Variants in RAB3IP observed in about 807,000 individuals in gnomAD.
RAB3IP encodes the protein rab-3A-interacting protein.
RAB3IP carries 36 observed loss-of-function variants against 59.1 expected under a neutral mutation model. The ratio of observed to expected loss-of-function variants is 0.61; its 90% confidence interval spans 0.47 to 0.80. The LOEUF (loss-of-function observed/expected upper bound fraction) is 0.80, where lower values mean the gene tolerates loss of function less well. RAB3IP is among the 30% of genes least tolerant of loss of function. The pLI is 0.00. For missense variants in RAB3IP, 511 were observed against 536.0 expected (o/e 0.95, Z 0.46); for synonymous variants, 207 against 191.2 (o/e 1.08, Z -0.68).
intron 4 of RAB3IP, among the ~76,000 whole-genome samples, chr12:69,786,121 CT>C (rs1162816123): frequency 6.6e-6 from 1 of 152,078 alleles, no homozygotes; most frequent in Non-Finnish European, 1.5e-5. Flanking sequence ...TATTCATAAT[CT>C]ATTTCACAGT....
At chr12:69,784,688 A>G (rs1213964513) in intron 3 of RAB3IP, 32 bp from the exon 4 acceptor site, 1 of 1,302,000 alleles carries the variant, frequency 7.7e-7, no homozygotes, top group South Asian at 1.2e-5. Flanking sequence ...CAAACTATGG[A>G]GATCCAAAAT....
At chr12:69,797,143 G>T (rs933163108) in intron 6 of RAB3IP, among the ~76,000 whole-genome samples, 2 of 152,202 alleles carry the variant, frequency 1.3e-5, no homozygotes, top group Non-Finnish European at 2.9e-5. Context: ...GGGGCACTCA[G>T]TTATGACATT....
intron 6 of RAB3IP, among the ~76,000 whole-genome samples, chr12:69,797,414 C>G (rs1468990430): frequency 1.4e-5 from 2 of 146,748 alleles, no homozygotes; most frequent in African/African-American, 5.0e-5. Context: ...AGCCTTTAAA[C>G]TAGAATCTTT....
At chr12:69,803,825 A>G (rs1878784854) in intron 8 of RAB3IP, among the ~76,000 whole-genome samples, 1 of 152,168 alleles carries the variant, frequency 6.6e-6, no homozygotes, top group African/African-American at 2.4e-5. Flanking sequence ...AAAGGACATG[A>G]ACTCATCATT....
intron 6 of RAB3IP, chr12:69,795,724 A>G (rs1177400958): frequency 3.4e-6 from 1 of 297,238 alleles, no homozygotes; most frequent in Non-Finnish European, 6.1e-6. Context: ...CTTAAAGATC[A>G]ATACATTGCT....
chr12:69,786,635 T>G (rs1565904846), intron 4 of RAB3IP, among the ~76,000 whole-genome samples: 2 of 152,288 alleles, frequency 1.3e-5, no homozygotes, highest in East Asian at 3.9e-4. Context: ...TTTATGTTAA[T>G]TTTGATTTCC....
chr12:69,772,631 C>G (rs76614078), intron 3 of RAB3IP, among the ~76,000 whole-genome samples: 2 of 152,148 alleles, frequency 1.3e-5, no homozygotes, highest in East Asian at 3.8e-4. Flanking sequence ...TTATTTTAAA[C>G]TGCTAACAAC....
At chr12:69,794,042 T>C (rs1877058549) in intron 4 of RAB3IP, among the ~76,000 whole-genome samples, 1 of 152,192 alleles carries the variant, frequency 6.6e-6, no homozygotes, top group South Asian at 2.1e-4. Context: ...GGTGTGTTAA[T>C]GTTTTTACTT....
intron 8 of RAB3IP, among the ~76,000 whole-genome samples, chr12:69,809,871 A>G (rs1358537537): frequency 1.3e-5 from 2 of 151,964 alleles, no homozygotes; most frequent in Middle Eastern, 3.2e-3. Context: ...AGAGAGTTTG[A>G]TCTTCTGAAG....
intron 4 of RAB3IP, 173 bp downstream of exon 4, chr12:69,784,988 G>A: frequency 8.2e-6 from 3 of 367,784 alleles, no homozygotes; most frequent in Non-Finnish European, 1.5e-5. Flanking sequence ...AAGATGATGT[G>A]AAAAGAAATA....
chr12:69,769,068 C>T (rs1182246144), intron 3 of RAB3IP, among the ~76,000 whole-genome samples: 3 of 151,982 alleles, frequency 2.0e-5, no homozygotes, highest in Non-Finnish European at 2.9e-5. Flanking sequence ...GGGTAGTTTC[C>T]CTGCTCAATC....
At chr12:69,787,845 G>T (rs1367364910) in intron 4 of RAB3IP, among the ~76,000 whole-genome samples, 1 of 152,028 alleles carries the variant, frequency 6.6e-6, no homozygotes, top group African/African-American at 2.4e-5. Flanking sequence ...GGCACATATA[G>T]GTAGTGTTCT....
Position 69,815,575 on chromosome 12 carries a change from A to G in RAB3IP, c.*129A>G, listed in dbSNP as rs1881050415. The G allele has an allele frequency of 1.6e-6, 1 of 627,112 alleles. No homozygotes were observed. Among genetic ancestry groups the G allele is most frequent in the South Asian group, 2.1e-5 (1 of 47,632 alleles). 38.8% of individuals were successfully genotyped at this position (627,112 alleles called of 1,614,324 possible). On this transcript the variant is annotated 3_prime_UTR_variant, in exon 11 of 11. Coordinates refer to ENST00000247833, the MANE Select transcript of RAB3IP (RefSeq NM_022456.5). ...TTTTCCCCTTTTGCAAATTGCTCTA[A>G]GAAGTACCATGATTTCTTTTAAACT...
chr12:69,758,756 C>CTTTTTTTTTTTTTTTTTTTTTT (rs71437121), intron 3 of RAB3IP, among the ~76,000 whole-genome samples: 1 of 48,202 alleles, frequency 2.1e-5, no homozygotes, highest in Non-Finnish European at 3.7e-5. Flanking sequence ...GTGTTCATTC[C>CTTTTTTTTTTTTTTTTTTTTTT]TTTTTTTTTT....
chr12:69,756,449 C>T lies in RAB3IP; in HGVS notation c.296C>T (p.Thr99Ile). ...GCCCCTTGCTCTACCTCTGGAGTCA[C>T]AGCTGGATTAACTAAATTAACTACA... ...DPAPCSTSGV[T>I]AGLTKLTTRK... is the part of the protein sequence containing the mutation. Residue 99 changes from threonine to isoleucine, a missense_variant, in exon 3 of 11, where the codon ACA (threonine) becomes ATA (isoleucine). Physicochemically the swap from Thr to Ile is moderately conservative, Grantham distance 89. Transcript: ENST00000247833. 3 of 1,614,074 alleles carry T rather than the reference C, an allele frequency of 1.9e-6. No individual in the cohort carries two copies. Among genetic ancestry groups the T allele is most frequent in the Non-Finnish European group, 2.5e-6 (3 of 1,179,954 alleles).
chr12:69,806,584 T>TTC (rs1879328816), intron 8 of RAB3IP, among the ~76,000 whole-genome samples: 1 of 147,552 alleles, frequency 6.8e-6, no homozygotes, highest in African/African-American at 2.5e-5. Context: ...TTTTTTTTTT[T>TTC]TTTTTTTTAG....
intron 6 of RAB3IP, chr12:69,796,410 A>G (rs932788427): frequency 2.8e-6 from 1 of 357,626 alleles, no homozygotes; most frequent in Non-Finnish European, 5.0e-6. Context: ...TAATCATTGT[A>G]TACTGTGAGA....
At chr12:69,751,166 A>G (rs73332029) in intron 1 of RAB3IP, among the ~76,000 whole-genome samples, 1,554 of 152,272 alleles carry the variant, frequency 0.01, 22 homozygotes, top group African/African-American at 0.035. Flanking sequence ...TAGTGTCATT[A>G]TGACCTCATG....
rs138474500 is a variant in RAB3IP at position 69,817,779 on chromosome 12, TA to T, written c.*2343del. ...GGGCAACATAGGGAGACCTTGTCTC[TA>T]AAAAAAAAACTAAAGCTAAACTACA... On this transcript the variant is annotated 3_prime_UTR_variant, in exon 11 of 11. Coordinates refer to ENST00000247833, the MANE Select transcript of RAB3IP (RefSeq NM_022456.5). 0.11 allele frequency: 16,217 copies of T among 145,398 alleles called. 1,190 individuals carry two copies. The highest frequency in any genetic ancestry group is 0.17 in the Middle Eastern group (50 of 286). The allele number at this position is 145,398 out of a possible 1,614,324, so 9.0% of individuals were successfully genotyped here.
Sources: allele counts gnomAD v4.1 joint callset (sites outside exome capture counted in the v4.1 genomes callset), GRCh38; gene constraint gnomAD v4.1.1; transcripts MANE v1.5; gene names NCBI Gene and HGNC (gene_info 2026-07-23, HGNC 2026-07-21).